Variants in MEIKIN observed in about 807,000 individuals in gnomAD.
MEIKIN encodes the protein meiosis-specific kinetochore protein.
intron 6 of MEIKIN, among the ~76,000 whole-genome samples, chr5:131,918,770 A>G (rs963111789): frequency 1.3e-5 from 2 of 152,194 alleles, no homozygotes; most frequent in Non-Finnish European, 2.9e-5. Flanking sequence ...TCTTCTTCCA[A>G]TAAAAGAATA....
At chr5:131,826,086 C>CTTTT (rs35951729) in intron 11 of MEIKIN, among the ~76,000 whole-genome samples, 2 of 124,960 alleles carry the variant, frequency 1.6e-5, no homozygotes, top group Non-Finnish European at 3.4e-5. Context: ...TTCTTGTTTT[C>CTTTT]TTTTTTTTTT....
intron 8 of MEIKIN, among the ~76,000 whole-genome samples, chr5:131,894,758 AG>A (rs1751004467): frequency 6.6e-6 from 1 of 152,176 alleles, no homozygotes; most frequent in African/African-American, 2.4e-5. Context: ...TTGTATCCTG[AG>A]ATTTTGCTGA....
At chr5:131,877,941 T>C (rs1243121094) in intron 9 of MEIKIN, among the ~76,000 whole-genome samples, 1 of 152,214 alleles carries the variant, frequency 6.6e-6, no homozygotes, top group African/African-American at 2.4e-5. Flanking sequence ...CTCAGTCCAG[T>C]CCACTCTAGG....
chr5:131,819,581 G>A (rs1467364492), intron 11 of MEIKIN, among the ~76,000 whole-genome samples: 6 of 148,236 alleles, frequency 4.0e-5, no homozygotes, highest in African/African-American at 7.4e-5. Flanking sequence ...TTTAAATAAA[G>A]TCTATATAGA....
intron 8 of MEIKIN, among the ~76,000 whole-genome samples, chr5:131,902,250 C>G (rs183309840): frequency 1.3e-5 from 2 of 152,002 alleles, no homozygotes; most frequent in African/African-American, 4.8e-5. Context: ...CTGGGCAACA[C>G]GGTGAAACCC....
intron 6 of MEIKIN, among the ~76,000 whole-genome samples, chr5:131,920,811 C>T (rs532266727): frequency 6.6e-6 from 1 of 152,140 alleles, no homozygotes; most frequent in South Asian, 2.1e-4. Context: ...CTCTCATTCT[C>T]CCACCTCAGC....
chr5:131,814,783 T>A (rs962773066), intron 12 of MEIKIN, among the ~76,000 whole-genome samples: 1 of 152,100 alleles, frequency 6.6e-6, no homozygotes, highest in Admixed American at 6.5e-5. Flanking sequence ...CTAACTGGTA[T>A]CCTCTTTGTT....
chr5:131,938,047 T>G (rs868456813), intron 4 of MEIKIN, among the ~76,000 whole-genome samples: 2 of 152,186 alleles, frequency 1.3e-5, no homozygotes, highest in Non-Finnish European at 2.9e-5. Context: ...CTATAATGTC[T>G]GAACTACTGT....
chr5:131,891,358 C>G (rs1001140681), intron 8 of MEIKIN, among the ~76,000 whole-genome samples: 2 of 152,262 alleles, frequency 1.3e-5, no homozygotes, highest in South Asian at 4.1e-4. Context: ...ATCTAAGTCT[C>G]TTTGTAGGTC....
At chr5:131,860,158 A>G (rs1277191440) in intron 9 of MEIKIN, among the ~76,000 whole-genome samples, 3 of 152,046 alleles carry the variant, frequency 2.0e-5, no homozygotes, top group Admixed American at 2.0e-4. Context: ...GGTCATGTCT[A>G]ATGATATGAA....
At chr5:131,816,671 T>C (rs947124747) in intron 12 of MEIKIN, among the ~76,000 whole-genome samples, 6 of 152,206 alleles carry the variant, frequency 3.9e-5, no homozygotes, top group African/African-American at 1.2e-4. Flanking sequence ...TTTCCATATA[T>C]ATAAAATTGG....
At chr5:131,875,231 G>T (rs959877421) in intron 9 of MEIKIN, among the ~76,000 whole-genome samples, 1 of 152,152 alleles carries the variant, frequency 6.6e-6, no homozygotes, top group Non-Finnish European at 1.5e-5. Context: ...ACATGATTGT[G>T]TATCTAGAAA....
Position 131,835,912 on chromosome 5 carries a change from T to A in MEIKIN, c.975+15352A>T, listed in dbSNP as rs564725108. On this transcript the variant is annotated intron_variant, in intron 11 of 12. Coordinates refer to ENST00000442687, the MANE Select transcript of MEIKIN (RefSeq NM_001303622.2). ...CCAGCCATGTCTGTCTTTTTTTAAC[T>A]TTTAAGTTCAGGAGTACAGGTAGAG... 1.6e-3 allele frequency among the ~76,000 whole-genome samples: 250 copies of A among 152,254 alleles called. 1 individual carries two copies. Among genetic ancestry groups the A allele is most frequent in the African/African-American group, 5.2e-3 (215 of 41,538 alleles).
At chr5:131,831,129 C>A (rs1320043949) in intron 11 of MEIKIN, among the ~76,000 whole-genome samples, 2 of 152,186 alleles carry the variant, frequency 1.3e-5, no homozygotes, top group Non-Finnish European at 2.9e-5. Flanking sequence ...AACTCCTAAC[C>A]TTTGGTGATC....
intron 6 of MEIKIN, among the ~76,000 whole-genome samples, 159 bp downstream of exon 6, chr5:131,921,663 A>C (rs567678655): frequency 6.6e-6 from 1 of 152,198 alleles, no homozygotes; most frequent in Non-Finnish European, 1.5e-5. Flanking sequence ...TCTCAAAATA[A>C]ATAAAAAAGT....
At chr5:131,876,915 A>G (rs916059202) in intron 9 of MEIKIN, among the ~76,000 whole-genome samples, 2 of 148,036 alleles carry the variant, frequency 1.4e-5, no homozygotes, top group Non-Finnish European at 3.0e-5. Flanking sequence ...CAAACACCGC[A>G]TGTTCTCACT....
chr5:131,838,382 G>T (rs1444487843), intron 11 of MEIKIN, among the ~76,000 whole-genome samples: 2 of 151,952 alleles, frequency 1.3e-5, no homozygotes, highest in Non-Finnish European at 2.9e-5. Flanking sequence ...TAAGTTAGAG[G>T]GGAGTCCCTC....
intron 8 of MEIKIN, among the ~76,000 whole-genome samples, chr5:131,897,668 C>G (rs542411665): frequency 2.4e-4 from 37 of 152,236 alleles, no homozygotes; most frequent in African/African-American, 8.9e-4. Context: ...CTTTCTTCCA[C>G]TTGATGAAAT....
intron 8 of MEIKIN, among the ~76,000 whole-genome samples, chr5:131,881,313 TC>T (rs751799058): frequency 1.6e-4 from 25 of 152,166 alleles, no homozygotes; most frequent in Non-Finnish European, 3.2e-4. Flanking sequence ...CTGGTATCAT[TC>T]CTTCCTTAAA....
Sources: allele counts gnomAD v4.1 joint callset (sites outside exome capture counted in the v4.1 genomes callset), GRCh38; gene constraint gnomAD v4.1.1; transcripts MANE v1.5; gene names NCBI Gene and HGNC (gene_info 2026-07-23, HGNC 2026-07-21).